The following MYO1B variants were observed in gnomAD, a reference collection of about 807,000 sequenced individuals.
MYO1B encodes the protein myosin IB, also known as unconventional myosin-Ib.
A neutral mutation model predicts 159.7 loss-of-function variants in MYO1B; 72 were observed. The observed-to-expected ratio is 0.45, with a 90% CI of 0.37 to 0.55. MYO1B has a LOEUF of 0.55. Among genes scored for constraint, MYO1B ranks in the 20% least tolerant of loss-of-function variants. MYO1B has a pLI of 0.00. For synonymous variants in MYO1B, 468 were observed against 473.8 expected (o/e 0.99, Z 0.16); for missense variants, 1,062 against 1,364.8 (o/e 0.78, Z 3.50).
intron 24 of MYO1B, chr2:191,407,908 G>C (rs1402507739): frequency 2.5e-6 from 1 of 392,572 alleles, no homozygotes; most frequent in African/African-American, 2.1e-5. Context: ...ATCAATTCAT[G>C]CTGGTTTCAT....
At chr2:191,336,171 G>A (rs1691823127) in intron 4 of MYO1B, among the ~76,000 whole-genome samples, 1 of 152,082 alleles carries the variant, frequency 6.6e-6, no homozygotes, top group Non-Finnish European at 1.5e-5. Context: ...ATAATTATTT[G>A]GTTTCTAATT....
At chr2:191,245,730 C>A (rs903383378) in intron 1 of MYO1B, 104 bp downstream of exon 1, 1 of 152,280 alleles carries the variant, frequency 6.6e-6, no homozygotes, top group African/African-American at 2.4e-5. Context: ...GTCCCTGGCC[C>A]CGTCGCACCC....
chr2:191,381,372 A>G (rs1254828253), intron 13 of MYO1B, 90 bp from the exon 14 acceptor site: 1 of 928,184 alleles, frequency 1.1e-6, no homozygotes. Context: ...CATGTGTGGC[A>G]TTTCTCATGG....
In MYO1B at chr2:191,341,471, G is replaced by A. The variant is rs1246745890; in HGVS notation, c.357G>A (p.Lys119=). 3.7e-6 allele frequency: 6 copies of A among 1,613,610 alleles called. No individual in the cohort carries two copies. The highest frequency in any genetic ancestry group is 5.1e-6 in the Non-Finnish European group (6 of 1,179,820). Residue 119 remains lysine, a synonymous_variant, in exon 5 of 31, where the codon AAG becomes AAA. Transcript: ENST00000392318. ...ESGAGKTEAS[K]LVMSYVAAVC... is the part of the protein sequence containing the mutation. The stretch of plus-strand genomic sequence containing the variant: ...TATTTTCATCCACAGAGGCCAGTAA[G>A]CTTGTCATGTCCTATGTGGCAGCTG...
Position 191,309,617 on chromosome 2 carries a change from C to CA in MYO1B, c.251+13392dup, listed in dbSNP as rs575914504. On this transcript the variant is annotated intron_variant, in intron 3 of 30. Coordinates refer to ENST00000392318, the MANE Select transcript of MYO1B (RefSeq NM_001130158.3). Reference sequence around the variant, plus strand: ...CTCCCTGACTGCATTTGTTACTTCTCACCCTCTCTTCCCCAGCCACGCTGT... The same window carrying CA: ...CTCCCTGACTGCATTTGTTACTTCTCAACCCTCTCTTCCCCAGCCACGCTGT... 3.3e-5 allele frequency among the ~76,000 whole-genome samples: 5 copies of CA among 152,314 alleles called. No homozygotes were observed. In the East Asian group the frequency reaches 9.6e-4, roughly 29 times the overall value.
At chr2:191,258,360 T>A (rs554744101) in intron 1 of MYO1B, among the ~76,000 whole-genome samples, 169 of 152,314 alleles carry the variant, frequency 1.1e-3, no homozygotes, top group Non-Finnish European at 2.2e-3. Flanking sequence ...AGGGCACTTA[T>A]GAATAGAGCT....
chr2:191,419,106 TAAAC>T (rs1449188936), intron 30 of MYO1B, among the ~76,000 whole-genome samples: 2 of 152,266 alleles, frequency 1.3e-5, no homozygotes, highest in Non-Finnish European at 2.9e-5. Flanking sequence ...GCTGCTGGTG[TAAAC>T]AAACCTACTT....
At chr2:191,279,326 C>T (rs1312344576) in intron 2 of MYO1B, among the ~76,000 whole-genome samples, 2 of 151,222 alleles carry the variant, frequency 1.3e-5, no homozygotes, top group African/African-American at 4.9e-5. Flanking sequence ...TAGTATGATC[C>T]TTTTGTAAAA....
Position 191,363,779 on chromosome 2 carries a change from G to GA in MYO1B, c.817_818insA (p.Ala273AspfsTer13), listed in dbSNP as rs770712406. 6.2e-7 allele frequency: 1 copy of GA among 1,613,964 alleles called. No homozygotes were observed. Among genetic ancestry groups the GA allele is most frequent in the Non-Finnish European group, 8.5e-7 (1 of 1,179,954 alleles). ...GGATCATGAAGCTGAGTCTGTCTTGGCGGTGGTGGCAGCAGTGTTGAAACT... is the reference window on the plus strand; with the variant it reads ...GGATCATGAAGCTGAGTCTGTCTTGGACGGTGGTGGCAGCAGTGTTGAAACT... On this transcript the variant is annotated frameshift_variant, in exon 10 of 31. Transcript: ENST00000392318. LOFTEE classifies it high-confidence loss of function.
At chr2:191,266,184 G>A (rs950877204) in intron 1 of MYO1B, among the ~76,000 whole-genome samples, 3 of 152,172 alleles carry the variant, frequency 2.0e-5, no homozygotes, top group Non-Finnish European at 4.4e-5. Context: ...AACTCACTAG[G>A]TTAGTTACCT....
At chr2:191,360,753 G>GTTGTTA (rs200054956) in intron 8 of MYO1B, 24 bp downstream of exon 8, 8 of 852,840 alleles carry the variant, frequency 9.4e-6, no homozygotes, top group Admixed American at 2.8e-5. Flanking sequence ...TCTATGTGGT[G>GTTGTTA]TTGTTGTTGT....
At chr2:191,309,002 A>G (rs1425107579) in intron 3 of MYO1B, among the ~76,000 whole-genome samples, 1 of 152,066 alleles carries the variant, frequency 6.6e-6, no homozygotes, top group Non-Finnish European at 1.5e-5. Flanking sequence ...CTCTGTAGGC[A>G]TTATTTAGAT....
intron 2 of MYO1B, among the ~76,000 whole-genome samples, chr2:191,281,830 T>G (rs1168430063): frequency 1.3e-5 from 2 of 152,216 alleles, no homozygotes; most frequent in Non-Finnish European, 2.9e-5. Flanking sequence ...CTATCTGAAT[T>G]GTAAGATTGG....
chr2:191,290,295 T>C (rs1688619769), intron 2 of MYO1B, among the ~76,000 whole-genome samples: 1 of 152,168 alleles, frequency 6.6e-6, no homozygotes, highest in African/African-American at 2.4e-5. Context: ...GCAGAGGGAG[T>C]CTTAACCTGG....
intron 30 of MYO1B, among the ~76,000 whole-genome samples, chr2:191,421,403 TG>T: frequency 6.6e-6 from 1 of 151,910 alleles, no homozygotes; most frequent in Non-Finnish European, 1.5e-5. Context: ...ATTATAGACA[TG>T]GAAACAGTTA....
intron 3 of MYO1B, among the ~76,000 whole-genome samples, chr2:191,311,017 A>AT (rs1246990927): frequency 6.6e-6 from 1 of 152,196 alleles, no homozygotes; most frequent in Non-Finnish European, 1.5e-5. Flanking sequence ...GATATGAAGA[A>AT]TACTGATTTT....
intron 26 of MYO1B, among the ~76,000 whole-genome samples, chr2:191,409,744 A>G (rs1473304539): frequency 6.6e-6 from 1 of 152,138 alleles, no homozygotes; most frequent in Non-Finnish European, 1.5e-5. Flanking sequence ...TAGCTCTCTT[A>G]TTTTGTATAA....
At chr2:191,306,345 C>T (rs1274323417) in intron 3 of MYO1B, among the ~76,000 whole-genome samples, 1 of 152,100 alleles carries the variant, frequency 6.6e-6, no homozygotes, top group African/African-American at 2.4e-5. Context: ...CAGCATGGCA[C>T]ATCAGTGATC....
intron 16 of MYO1B, 65 bp downstream of exon 16, chr2:191,386,149 C>A: frequency 6.7e-7 from 1 of 1,493,346 alleles, no homozygotes; most frequent in Non-Finnish European, 9.2e-7. Flanking sequence ...GGCTGTACCT[C>A]AGAGATGGGC....
Sources: allele counts gnomAD v4.1 joint callset (sites outside exome capture counted in the v4.1 genomes callset), GRCh38; gene constraint gnomAD v4.1.1; transcripts MANE v1.5; gene names NCBI Gene and HGNC (gene_info 2026-07-23, HGNC 2026-07-21).